The following PLEKHM1 variants were observed in gnomAD, a reference collection of about 807,000 sequenced individuals.
PLEKHM1 encodes pleckstrin homology and RUN domain containing M1.
PLEKHM1 carries 28 observed loss-of-function variants against 94.3 expected under a neutral mutation model. That is an observed-to-expected ratio of 0.30 (90% CI 0.22 to 0.41). PLEKHM1 has a LOEUF of 0.41. Ranked by LOEUF, PLEKHM1 falls within the 10% of genes least tolerant of loss-of-function variation. The pLI is 1.00. For missense variants in PLEKHM1, 907 were observed against 1,358.6 expected (o/e 0.67, Z 5.22); for synonymous variants, 424 against 581.2 (o/e 0.73, Z 3.89).
At chr17:45,471,705 G>A (rs1188098307) in intron 4 of PLEKHM1, among the ~76,000 whole-genome samples, 10 of 152,158 alleles carry the variant, frequency 6.6e-5, no homozygotes, top group South Asian at 4.2e-4. Flanking sequence ...GCAGTGAGCC[G>A]AGATCATGCC....
chr17:45,453,823 C>T lies in PLEKHM1; in HGVS notation c.2029G>A (p.Ala677Thr), dbSNP rs748379987. Residue 677 changes from alanine (A) to threonine (T), a missense_variant, in exon 7 of 12, where the codon GCC becomes ACC. Physicochemically the swap from Ala to Thr is moderately conservative, Grantham distance 58. This residue lies in a region of PLEKHM1 where 477 missense variants were observed against 601.5 expected (regional missense o/e 0.79). Coordinates refer to ENST00000430334, the MANE Select transcript of PLEKHM1 (RefSeq NM_014798.3). This position sits in a 1 kb window ranked among gnomAD's most constrained non-coding sequence, Gnocchi z 4.1. ...LQGTQFDWSS[A>T]QVPEPDAIKE... ...ATGGCATCTGGCTCTGGAACCTGGG[C>T]GGACGACCAGTCAAACTGTGTGCCC... The T allele has an allele frequency of 1.2e-5, 19 of 1,613,882 alleles. No individual in the cohort carries two copies. The highest frequency in any genetic ancestry group is 1.6e-4 in the Middle Eastern group (1 of 6,078).
intron 2 of PLEKHM1, among the ~76,000 whole-genome samples, chr17:45,479,622 G>A (rs2051877667): frequency 6.6e-6 from 1 of 152,062 alleles, no homozygotes; most frequent in South Asian, 2.1e-4. Context: ...GGAGGCAGAG[G>A]TTGTACTGAG....
chr17:45,470,890 T>G (rs1425457151), intron 4 of PLEKHM1, among the ~76,000 whole-genome samples: 1 of 151,736 alleles, frequency 6.6e-6, no homozygotes, highest in East Asian at 1.9e-4. Flanking sequence ...ATGGTCTCGA[T>G]CTCCTGACCT....
chr17:45,463,613 A>G (rs951000204), intron 5 of PLEKHM1: 7 of 152,220 alleles, frequency 4.6e-5, no homozygotes, highest in Admixed American at 3.9e-4. Flanking sequence ...GGCTGGTCTC[A>G]AACTCCCGAC....
chr17:45,449,462 C>A (rs928213474), intron 8 of PLEKHM1, among the ~76,000 whole-genome samples: 3 of 152,104 alleles, frequency 2.0e-5, no homozygotes, highest in Non-Finnish European at 2.9e-5. Flanking sequence ...ACCTATCTAC[C>A]TACCCATCCA....
At chr17:45,469,744 T>C (rs930228184) in intron 4 of PLEKHM1, among the ~76,000 whole-genome samples, 2 of 152,216 alleles carry the variant, frequency 1.3e-5, no homozygotes, top group African/African-American at 4.8e-5. Flanking sequence ...CAAGACATTA[T>C]GGTCAAGAAT....
rs1238577604 is a variant in PLEKHM1 at position 45,444,038 on chromosome 17, G to A, written c.2837+1432C>T. The stretch of plus-strand genomic sequence containing the variant: ...TCTGCCTAGGGGAGAGCCCCCTGCA[G>A]TACCCCTTGAGAGCCCCTGGGGACC... On this transcript the variant is annotated intron_variant, in intron 9 of 11. Coordinates refer to ENST00000430334, the MANE Select transcript of PLEKHM1 (RefSeq NM_014798.3). This position sits in a 1 kb window ranked among gnomAD's most constrained non-coding sequence, Gnocchi z 5.0. Among the ~76,000 whole-genome samples, 1 of 152,144 alleles carries A rather than the reference G, an allele frequency of 6.6e-6. No individual in the cohort carries two copies. Among genetic ancestry groups the A allele is most frequent in the Non-Finnish European group, 1.5e-5 (1 of 67,992 alleles).
At position 45,453,481 on chromosome 17, in the gene PLEKHM1, C is replaced by T. The variant is rs1256702133; in HGVS notation, c.2371G>A (p.Gly791Arg). The T allele has an allele frequency of 5.0e-6, 8 of 1,607,110 alleles. No homozygotes were observed. The highest frequency in any genetic ancestry group is 4.0e-5 in the African/African-American group (3 of 74,564). Residue 791 changes from glycine to arginine, a missense_variant, in exon 7 of 12, where the codon GGG (glycine) becomes AGG (arginine). Around this residue, in one of 3 missense-constraint regions of PLEKHM1, gnomAD observed 254 missense variants for 451.1 expected, o/e 0.56. Coordinates refer to ENST00000430334, the MANE Select transcript of PLEKHM1 (RefSeq NM_014798.3). This position sits in a 1 kb window ranked among gnomAD's most constrained non-coding sequence, Gnocchi z 4.1. ...TCCTGACAGTTTTCATCCAGGCTCC[C>T]GCCCAGGGTCACCGCCTCCTCGGCT... The part of the protein sequence containing the change: ...ETAEEAVTLG[G>R]SLDENCQEVL...
intron 11 of PLEKHM1, 24 bp downstream of exon 11, chr17:45,439,453 C>T (rs185455570): frequency 1.1e-5 from 18 of 1,613,572 alleles, no homozygotes; most frequent in East Asian, 8.9e-5. Context: ...GGCTGGAAGG[C>T]GGCTGGCTGG....
intron 9 of PLEKHM1, among the ~76,000 whole-genome samples, chr17:45,443,009 CAT>C (rs2050494592): frequency 6.6e-6 from 1 of 152,202 alleles, no homozygotes; most frequent in Non-Finnish European, 1.5e-5. Flanking sequence ...GGTGTGGCAA[CAT>C]GTGTGTGTGG....
chr17:45,458,529 C>T lies in PLEKHM1; in HGVS notation c.1309-90G>A, dbSNP rs995930730. The T allele has an allele frequency of 2.2e-5, 29 of 1,320,960 alleles. No individual in the cohort carries two copies. In the Admixed American group the frequency reaches 2.4e-4, roughly 11 times the overall value. The allele number at this position is 1,320,960 out of a possible 1,614,324, so 81.8% of individuals were successfully genotyped here. On this transcript the variant is annotated intron_variant, in intron 5 of 11. Transcript: ENST00000430334. ...TCTGTTGCCCAGGCTGGAGTGCAAT[C>T]GCGCAACCTCGGCTCACTGCAACCT...
intron 8 of PLEKHM1, chr17:45,446,010 G>A: frequency 4.6e-6 from 2 of 431,792 alleles, no homozygotes; most frequent in African/African-American, 2.0e-5. Context: ...TGTCCTCCCA[G>A]CCCCTATTTC....
chr17:45,490,718 C>T lies in PLEKHM1; in HGVS notation c.-108G>A, dbSNP rs772215953. 1 of 451,174 alleles carries T rather than the reference C, an allele frequency of 2.2e-6. No homozygotes were observed. The highest frequency in any genetic ancestry group is 1.6e-5 in the South Asian group (1 of 63,978). The allele number at this position is 451,174 out of a possible 1,614,324, so 27.9% of individuals were successfully genotyped here. A position where few individuals can be genotyped will look rare whatever the true frequency, so the allele number is the denominator to read the frequency against. ...GGCAGCCCCTCAGCCTCCGAGCCGA[C>T]GATGCGGTCTCTCGGCCACTGACAA... On this transcript the variant is annotated 5_prime_UTR_variant, in exon 1 of 12. Coordinates refer to ENST00000430334, the MANE Select transcript of PLEKHM1 (RefSeq NM_014798.3).
chr17:45,480,598 G>A (rs550039757), intron 2 of PLEKHM1, among the ~76,000 whole-genome samples: 3 of 152,348 alleles, frequency 2.0e-5, no homozygotes, highest in East Asian at 1.9e-4. Context: ...AGGGGAATAC[G>A]AAGTGAATGC....
chr17:45,443,273 C>T (rs1467543089), intron 9 of PLEKHM1, among the ~76,000 whole-genome samples: 2 of 151,874 alleles, frequency 1.3e-5, no homozygotes, highest in African/African-American at 4.8e-5. Flanking sequence ...TGACCCAGGG[C>T]CATCTGTGGC....
At chr17:45,487,283 G>C (rs2052159825) in intron 1 of PLEKHM1, among the ~76,000 whole-genome samples, 2 of 152,272 alleles carry the variant, frequency 1.3e-5, no homozygotes, top group South Asian at 4.2e-4. Context: ...TCCCGTGAGA[G>C]AGTGATTATC....
chr17:45,489,023 T>A (rs1232271444), intron 1 of PLEKHM1, among the ~76,000 whole-genome samples: 1 of 152,150 alleles, frequency 6.6e-6, no homozygotes, highest in Non-Finnish European at 1.5e-5. Context: ...AGAAAATGTG[T>A]ACCAAAAAGC....
rs1239576522 is a variant in PLEKHM1, at chr17:45,445,746, C to G, written c.2644-83G>C. 2 of 973,082 alleles carry G rather than the reference C, an allele frequency of 2.1e-6. No individual in the cohort carries two copies. Among genetic ancestry groups the G allele is most frequent in the Non-Finnish European group, 3.3e-6 (2 of 601,506 alleles). 60.3% of individuals were successfully genotyped at this position (973,082 alleles called of 1,614,324 possible). On this transcript the variant is annotated intron_variant, in intron 8 of 11. Transcript: ENST00000430334. This position sits in a 1 kb window ranked among gnomAD's most constrained non-coding sequence, Gnocchi z 4.2. Reference sequence around the variant, plus strand: ...CTGGCCAGGTGCCACATGACCTGCTCACTTACCTGAGGGGCTATCTTCATT... The same window carrying G: ...CTGGCCAGGTGCCACATGACCTGCTGACTTACCTGAGGGGCTATCTTCATT...
chr17:45,443,551 G>A (rs2050512541), intron 9 of PLEKHM1, among the ~76,000 whole-genome samples: 1 of 152,222 alleles, frequency 6.6e-6, no homozygotes, highest in Non-Finnish European at 1.5e-5. Context: ...CAGGGAGAGA[G>A]ACAGGGCTGC....
Sources: gnomAD v4.1 joint callset for allele counts (sites outside exome capture counted in the v4.1 genomes callset) on GRCh38, gnomAD v4.1.1 for gene constraint, gnomAD v4.1.1 regional missense constraint, Gnocchi (gnomAD v3.1) non-coding constraint, MANE v1.5 for transcripts, NCBI Gene and HGNC (gene_info 2026-07-23, HGNC 2026-07-21) for gene names.